Variants in STPG2 observed in about 807,000 individuals in gnomAD.
STPG2 encodes the protein sperm-tail PG-rich repeat-containing protein 2.
Under a neutral mutation model 54.2 loss-of-function variants are expected in STPG2, and 56 were observed. That is an observed-to-expected ratio of 1.03 (90% CI 0.83 to 1.29). The LOEUF (loss-of-function observed/expected upper bound fraction) is 1.29, where lower values mean the gene tolerates loss of function less well. Among genes scored for constraint, STPG2 ranks in the 50% most tolerant of loss-of-function variants. STPG2 has a pLI of 0.00. For missense variants in STPG2, 596 were observed against 544.9 expected (o/e 1.09, Z -0.93); for synonymous variants, 200 against 181.8 (o/e 1.10, Z -0.81).
At chr4:98,132,616 G>GA (rs911228943) in intron 2 of STPG2, among the ~76,000 whole-genome samples, 43 of 151,548 alleles carry the variant, frequency 2.8e-4, no homozygotes, top group Admixed American at 3.9e-4. Context: ...AAAATGGAGG[G>GA]AAAAAAACCT....
chr4:97,622,960 T>C (rs1429841315), intron 10 of STPG2, among the ~76,000 whole-genome samples: 1 of 151,862 alleles, frequency 6.6e-6, no homozygotes, highest in Non-Finnish European at 1.5e-5. Flanking sequence ...TCAGAAATAA[T>C]GCCACACACC....
At chr4:97,775,030 A>C (rs562600381) in intron 9 of STPG2, among the ~76,000 whole-genome samples, 151 of 152,282 alleles carry the variant, frequency 9.9e-4, no homozygotes, top group Middle Eastern at 3.4e-3. Flanking sequence ...TAGCTGGATG[A>C]ATAGTCTTTT....
At chr4:97,664,488 T>C (rs1462400591) in intron 10 of STPG2, among the ~76,000 whole-genome samples, 1 of 152,220 alleles carries the variant, frequency 6.6e-6, no homozygotes, top group African/African-American at 2.4e-5. Flanking sequence ...GTTCTTTCTC[T>C]ATTTCCTCAG....
intron 10 of STPG2, among the ~76,000 whole-genome samples, chr4:97,684,794 G>A (rs1723138025): frequency 6.6e-6 from 1 of 151,750 alleles, no homozygotes; most frequent in Admixed American, 6.6e-5. Context: ...AACACTATTA[G>A]GAGAATGAAG....
chr4:97,925,372 T>A (rs74953692), intron 8 of STPG2, among the ~76,000 whole-genome samples: 2 of 152,286 alleles, frequency 1.3e-5, no homozygotes, highest in African/African-American at 4.8e-5. Flanking sequence ...GCTAATGAAG[T>A]TAGACAATTA....
intron 9 of STPG2, among the ~76,000 whole-genome samples, chr4:97,741,894 G>A (rs977130879): frequency 6.6e-6 from 1 of 152,060 alleles, no homozygotes; most frequent in Non-Finnish European, 1.5e-5. Context: ...AAATCATGCT[G>A]CTATAAAGAC....
chr4:97,785,738 A>C (rs1560527123), intron 9 of STPG2, among the ~76,000 whole-genome samples: 1 of 152,104 alleles, frequency 6.6e-6, no homozygotes, highest in Non-Finnish European at 1.5e-5. Flanking sequence ...ACCTCCGATA[A>C]CTGCTTTAGG....
intron 7 of STPG2, among the ~76,000 whole-genome samples, chr4:97,959,715 G>GA (rs1233898260): frequency 5.5e-5 from 8 of 146,352 alleles, no homozygotes; most frequent in South Asian, 4.3e-4. Flanking sequence ...AACTTACCAA[G>GA]AAAAAAAAAA....
intron 10 of STPG2, among the ~76,000 whole-genome samples, chr4:97,702,389 A>C (rs1723805435): frequency 6.6e-6 from 1 of 152,156 alleles, no homozygotes; most frequent in African/African-American, 2.4e-5. Flanking sequence ...TGTTTATATA[A>C]GTTAAAAATT....
intron 4 of STPG2, among the ~76,000 whole-genome samples, chr4:97,515,054 C>G (rs1175925240): frequency 2.6e-5 from 4 of 151,922 alleles, no homozygotes; most frequent in Admixed American, 2.6e-4. Context: ...GAATTGATCA[C>G]CCTAAGATGA....
intron 10 of STPG2, among the ~76,000 whole-genome samples, chr4:97,578,006 A>G (rs1025259557): frequency 1.1e-4 from 17 of 152,106 alleles, no homozygotes; most frequent in African/African-American, 4.1e-4. Flanking sequence ...AGAATTACAC[A>G]CTGGCAAGAA....
At chr4:98,028,664 G>T (rs72882656) in intron 5 of STPG2, among the ~76,000 whole-genome samples, 40 of 151,964 alleles carry the variant, frequency 2.6e-4, no homozygotes, top group Non-Finnish European at 3.4e-4. Context: ...TCCTTGTTTC[G>T]TTGTGGAGAA....
chr4:98,058,848 C>A (rs72686475), intron 5 of STPG2, among the ~76,000 whole-genome samples: 3 of 151,808 alleles, frequency 2.0e-5, no homozygotes, highest in East Asian at 1.9e-4. Context: ...TTCAGAAAAA[C>A]CAAAATCATA....
At chr4:97,916,202 A>C (rs11727151) in intron 8 of STPG2, among the ~76,000 whole-genome samples, 37,187 of 152,128 alleles carry the variant, frequency 0.24, 5,313 homozygotes, top group Middle Eastern at 0.36. Context: ...GCAATGAGTA[A>C]AAGGAATCAA....
chr4:97,871,025 A>G (rs755036208), intron 8 of STPG2, among the ~76,000 whole-genome samples: 1 of 151,118 alleles, frequency 6.6e-6, no homozygotes, highest in East Asian at 1.9e-4. Flanking sequence ...AGCCATAAAG[A>G]CCTTTCCATC....
chr4:97,827,381 G>A (rs547723974), intron 9 of STPG2, among the ~76,000 whole-genome samples: 7 of 151,830 alleles, frequency 4.6e-5, no homozygotes, highest in South Asian at 4.2e-4. Context: ...GACTACAGGC[G>A]CCCACCACCA....
chr4:97,663,619 T>C (rs1433824387), intron 10 of STPG2, among the ~76,000 whole-genome samples: 2 of 152,188 alleles, frequency 1.3e-5, no homozygotes, highest in Non-Finnish European at 2.9e-5. Flanking sequence ...TTAAGACATA[T>C]TTAACTCTAA....
chr4:97,708,217 A>G (rs1168136214), intron 10 of STPG2, among the ~76,000 whole-genome samples: 1 of 152,118 alleles, frequency 6.6e-6, no homozygotes, highest in Non-Finnish European at 1.5e-5. Flanking sequence ...AAATATTACC[A>G]CTTTTCATAA....
rs533194206 is a variant in STPG2 at position 97,566,317 on chromosome 4, T to C, written c.1321-7200A>G. ...GCACAGTATTGGGGTGGGAGTGACCTGATTTTCCAGGTGCCGTCTGTTACC... is the reference window on the plus strand; with the variant it reads ...GCACAGTATTGGGGTGGGAGTGACCCGATTTTCCAGGTGCCGTCTGTTACC... On this transcript the variant is annotated intron_variant, in intron 10 of 10. Coordinates refer to ENST00000295268, the MANE Select transcript of STPG2 (RefSeq NM_174952.3). Among the ~76,000 whole-genome samples, 630 of 152,274 alleles carry C rather than the reference T, an allele frequency of 4.1e-3. 3 individuals carry two copies. The highest frequency in any genetic ancestry group is 0.02 in the South Asian group (97 of 4,830).
Sources: gnomAD v4.1 joint callset for allele counts (sites outside exome capture counted in the v4.1 genomes callset) on GRCh38, gnomAD v4.1.1 for gene constraint, MANE v1.5 for transcripts, NCBI Gene and HGNC (gene_info 2026-07-23, HGNC 2026-07-21) for gene names.